Variants in VEPH1 observed in about 807,000 individuals in gnomAD.
VEPH1 encodes ventricular zone expressed PH domain containing 1.
In VEPH1, 80 loss-of-function variants were observed where a neutral mutation model predicts 85.2. That is an observed-to-expected ratio of 0.94 (90% CI 0.78 to 1.13). The LOEUF is 1.13. Among genes scored for constraint, VEPH1 ranks in the 50% most tolerant of loss-of-function variants. The probability of loss-of-function intolerance (pLI) is 0.00; values close to 1 mark genes in which losing one functional copy is unlikely to be tolerated. For synonymous variants in VEPH1, 297 were observed against 348.0 expected (o/e 0.85, Z 1.63); for missense variants, 955 against 980.5 (o/e 0.97, Z 0.35).
intron 9 of VEPH1, among the ~76,000 whole-genome samples, chr3:157,327,381 T>C (rs1042285636): frequency 6.6e-6 from 1 of 152,208 alleles, no homozygotes; most frequent in Non-Finnish European, 1.5e-5. Flanking sequence ...GGACTCTTAA[T>C]TTTCTTCCTC....
At chr3:157,386,762 A>C (rs1729348015) in intron 6 of VEPH1, among the ~76,000 whole-genome samples, 1 of 152,252 alleles carries the variant, frequency 6.6e-6, no homozygotes, top group Non-Finnish European at 1.5e-5. Flanking sequence ...GTGGTAAAGA[A>C]TATGACTACG....
intron 4 of VEPH1, among the ~76,000 whole-genome samples, chr3:157,453,167 TA>T (rs1281876305): frequency 6.6e-6 from 1 of 152,166 alleles, no homozygotes; most frequent in Non-Finnish European, 1.5e-5. Context: ...ATCGCAAAAG[TA>T]AAACCCATCC....
At chr3:157,304,038 T>TATATACACACACACACAC in intron 11 of VEPH1, among the ~76,000 whole-genome samples, 1 of 96,918 alleles carries the variant, frequency 1.0e-5, no homozygotes, top group Non-Finnish European at 2.4e-5. Context: ...TATATATATA[T>TATATACACACACACACAC]ACACACATAC....
intron 2 of VEPH1, among the ~76,000 whole-genome samples, chr3:157,477,973 C>T (rs867748907): frequency 2.6e-5 from 4 of 152,258 alleles, no homozygotes; most frequent in Middle Eastern, 3.4e-3. Flanking sequence ...TTATACAAAG[C>T]ATACCATTTA....
At chr3:157,388,256 G>A (rs1200554388) in intron 6 of VEPH1, among the ~76,000 whole-genome samples, 1 of 152,160 alleles carries the variant, frequency 6.6e-6, no homozygotes, top group African/African-American at 2.4e-5. Flanking sequence ...CCTGAGTGTG[G>A]CCAGTGATGC....
At chr3:157,369,192 A>AACAAAAAACAAACAAACAAAC (rs1170711720) in intron 7 of VEPH1, among the ~76,000 whole-genome samples, 11 of 142,702 alleles carry the variant, frequency 7.7e-5, no homozygotes, top group Admixed American at 3.5e-4. Flanking sequence ...AAAAAAAAAA[A>AACAAAAAACAAACAAACAAAC]AAAAAAAAAA....
At chr3:157,495,991 G>A (rs902650821) in intron 1 of VEPH1, among the ~76,000 whole-genome samples, 2 of 152,164 alleles carry the variant, frequency 1.3e-5, no homozygotes, top group African/African-American at 4.8e-5. Flanking sequence ...GCCTTGCTAC[G>A]CTAGCAGTAG....
intron 4 of VEPH1, among the ~76,000 whole-genome samples, chr3:157,452,169 C>A (rs1206756805): frequency 6.6e-6 from 1 of 152,026 alleles, no homozygotes; most frequent in African/African-American, 2.4e-5. Flanking sequence ...CATAAGCAAG[C>A]AAATCAGAGC....
chr3:157,303,212 G>A (rs1450912359), intron 11 of VEPH1, among the ~76,000 whole-genome samples: 1 of 152,058 alleles, frequency 6.6e-6, no homozygotes, highest in African/African-American at 2.4e-5. Context: ...TCATTGCCAG[G>A]AAAACTTGTC....
chr3:157,299,167 C>T (rs1718469488), intron 11 of VEPH1, among the ~76,000 whole-genome samples: 1 of 152,148 alleles, frequency 6.6e-6, no homozygotes, highest in Admixed American at 6.5e-5. Context: ...TAGCTTCTAA[C>T]ATGGAAATTT....
chr3:157,364,004 C>G (rs1396120310), intron 8 of VEPH1, among the ~76,000 whole-genome samples: 2 of 152,160 alleles, frequency 1.3e-5, no homozygotes, highest in Non-Finnish European at 1.5e-5. Context: ...AAATAGTAGA[C>G]TTACATATTT....
At chr3:157,433,103 A>G (rs1401859669) in intron 4 of VEPH1, among the ~76,000 whole-genome samples, 1 of 152,166 alleles carries the variant, frequency 6.6e-6, no homozygotes, top group Non-Finnish European at 1.5e-5. Context: ...CTCAGTTCTT[A>G]TTAATATGTC....
At chr3:157,446,211 T>A (rs1734540929) in intron 4 of VEPH1, among the ~76,000 whole-genome samples, 1 of 151,742 alleles carries the variant, frequency 6.6e-6, no homozygotes, top group South Asian at 2.1e-4. Flanking sequence ...TAATATTATT[T>A]GTGTGTGTAG....
chr3:157,326,138 G>A (rs12636252), intron 9 of VEPH1, among the ~76,000 whole-genome samples: 71,053 of 152,014 alleles, frequency 0.47, 18,291 homozygotes, highest in Admixed American at 0.6. Context: ...TGGCTTGCCT[G>A]TTGTTGGTGT....
intron 2 of VEPH1, among the ~76,000 whole-genome samples, chr3:157,473,201 T>C (rs138723225): frequency 8.0e-4 from 121 of 150,674 alleles, no homozygotes; most frequent in African/African-American, 2.9e-3. Flanking sequence ...GCCTCTGGAG[T>C]AGCTGGGACT....
At chr3:157,473,236 C>G (rs891328379) in intron 2 of VEPH1, among the ~76,000 whole-genome samples, 2 of 151,734 alleles carry the variant, frequency 1.3e-5, no homozygotes, top group African/African-American at 4.8e-5. Context: ...CCACGCCCGG[C>G]TAATTTTTTG....
chr3:157,388,740 T>C (rs1292621292), intron 6 of VEPH1, among the ~76,000 whole-genome samples: 3 of 152,020 alleles, frequency 2.0e-5, no homozygotes, highest in Admixed American at 1.3e-4. Flanking sequence ...ATAATACAAA[T>C]AGAAACACAG....
At chr3:157,364,533 G>A (rs771705123) in intron 7 of VEPH1, 21 bp from the exon 8 acceptor site, 1 of 1,599,630 alleles carries the variant, frequency 6.3e-7, no homozygotes, top group South Asian at 1.1e-5. Flanking sequence ...ATAAATCATT[G>A]CATTAGATGC....
intron 4 of VEPH1, 171 bp downstream of exon 4, chr3:157,460,010 A>G (rs1333351590): frequency 2.6e-6 from 4 of 1,547,704 alleles, no homozygotes; most frequent in Non-Finnish European, 3.5e-6. Context: ...GGACACAGAC[A>G]GCCAGATTAA....
Sources: allele counts gnomAD v4.1 joint callset (sites outside exome capture counted in the v4.1 genomes callset), GRCh38; gene constraint gnomAD v4.1.1; transcripts MANE v1.5; gene names NCBI Gene and HGNC (gene_info 2026-07-23, HGNC 2026-07-21).